PRKG1: variants seen among roughly 807,000 people sequenced by gnomAD.
The protein encoded by PRKG1 is protein kinase cGMP-dependent 1.
PRKG1 carries 35 observed loss-of-function variants against 88.1 expected under a neutral mutation model. The observed-to-expected ratio is 0.40, with a 90% CI of 0.30 to 0.53. The LOEUF (loss-of-function observed/expected upper bound fraction) is 0.53. PRKG1 is among the 20% of genes least tolerant of loss of function. The pLI is 0.59. For synonymous variants in PRKG1, 303 were observed against 292.5 expected, an observed-to-expected ratio of 1.04 and a Z score of -0.37; for missense variants, 540 against 839.8, an observed-to-expected ratio of 0.64 and a Z score of 4.41.
chr10:51,856,975 G>GAA (rs751399864), intron 4 of PRKG1, among the ~76,000 whole-genome samples: 9 of 77,058 alleles, frequency 1.2e-4, no homozygotes, highest in Non-Finnish European at 2.1e-4. Context: ...CTAAAAAAAA[G>GAA]AAAAAAAAAA....
rs12260620 is a variant in PRKG1 at position 51,649,918 on chromosome 10, C to G, written c.593-154667C>G. Among the ~76,000 whole-genome samples, 1,313 of 152,286 alleles carry G rather than the reference C, an allele frequency of 8.6e-3. 22 individuals carry two copies. Among genetic ancestry groups the G allele is most frequent in the African/African-American group, 0.03 (1,232 of 41,566 alleles). ...TACAAAGGTCACATTCCTGTGCAAACATCTGATTGGTTGCAAAACATTAAA... is the reference window on the plus strand; with the variant it reads ...TACAAAGGTCACATTCCTGTGCAAAGATCTGATTGGTTGCAAAACATTAAA... On this transcript the variant is annotated intron_variant, in intron 3 of 17. Coordinates refer to ENST00000373980, the MANE Select transcript of PRKG1 (RefSeq NM_006258.4).
intron 3 of PRKG1, among the ~76,000 whole-genome samples, chr10:51,617,809 G>T (rs1005380774): frequency 2.6e-5 from 4 of 152,144 alleles, no homozygotes; most frequent in Non-Finnish European, 5.9e-5. Context: ...AACAATGAAA[G>T]TCCCTGTTTC....
At chr10:51,572,327 A>C (rs1037661222) in intron 3 of PRKG1, among the ~76,000 whole-genome samples, 28 of 151,882 alleles carry the variant, frequency 1.8e-4, no homozygotes, top group African/African-American at 4.8e-5. Flanking sequence ...ATCACCTTAC[A>C]GAGTAATGAA....
rs78116738 is a variant in PRKG1, at chr10:51,949,083, G to A, written c.762+41513G>A. Among the ~76,000 whole-genome samples, 219 of 152,244 alleles carry A rather than the reference G, an allele frequency of 1.4e-3. 1 individual carries two copies. The highest frequency in any genetic ancestry group is 5.0e-3 in the African/African-American group (207 of 41,550). Reference sequence around the variant, plus strand: ...ACTTTAGGTTCAGCACTGGACTAAAGATTGCCTTCAATATGGACATCTAAG... The same window carrying A: ...ACTTTAGGTTCAGCACTGGACTAAAAATTGCCTTCAATATGGACATCTAAG... On this transcript the variant is annotated intron_variant, in intron 5 of 17. Transcript: ENST00000373980.
chr10:51,529,494 C>T (rs1478067801), intron 3 of PRKG1, among the ~76,000 whole-genome samples: 1 of 152,218 alleles, frequency 6.6e-6, no homozygotes, highest in East Asian at 1.9e-4. Context: ...CGCTCACCTG[C>T]TCACTTCTTT....
At chr10:51,323,823 CG>C (rs1177290983) in intron 2 of PRKG1, among the ~76,000 whole-genome samples, 8 of 152,098 alleles carry the variant, frequency 5.3e-5, no homozygotes, top group African/African-American at 1.9e-4. Context: ...CATGGTGGCA[CG>C]TGCCTGTAGT....
intron 1 of PRKG1, among the ~76,000 whole-genome samples, chr10:51,024,528 A>C (rs1269328859): frequency 6.6e-6 from 1 of 152,206 alleles, no homozygotes; most frequent in African/African-American, 2.4e-5. Flanking sequence ...TTAGATGAAG[A>C]AATTGATTAA....
intron 5 of PRKG1, among the ~76,000 whole-genome samples, chr10:51,998,006 A>G (rs1051573020): frequency 6.6e-6 from 1 of 152,148 alleles, no homozygotes. Context: ...GTTTGACCAT[A>G]AAAACATTAT....
chr10:52,126,016 G>A (rs1427471053), intron 7 of PRKG1: 1 of 152,176 alleles, frequency 6.6e-6, no homozygotes, highest in Non-Finnish European at 1.5e-5. Context: ...GAGGAAGCAC[G>A]ACAGAGTAAG....
In PRKG1 at chr10:52,076,146, A is replaced by C. The variant is rs187865827; in HGVS notation, c.935+13515A>C. ...TGCACGACATACAAAAATTAAGTTA[A>C]AATGGATCATGGACCTAAATGTGAG... On this transcript the variant is annotated intron_variant, in intron 7 of 17. Transcript: ENST00000373980. Among the ~76,000 whole-genome samples the C allele has an allele frequency of 1.2e-3, 186 of 152,376 alleles. 1 individual carries two copies. The highest frequency in any genetic ancestry group is 4.3e-3 in the African/African-American group (180 of 41,592).
At chr10:52,133,002 A>G (rs1305416752) in intron 7 of PRKG1, among the ~76,000 whole-genome samples, 1 of 151,352 alleles carries the variant, frequency 6.6e-6, no homozygotes, top group Non-Finnish European at 1.5e-5. Flanking sequence ...GTTATTATTG[A>G]CTATCGTCAT....
chr10:51,931,119 G>A (rs994306003), intron 5 of PRKG1, among the ~76,000 whole-genome samples: 7 of 152,106 alleles, frequency 4.6e-5, no homozygotes, highest in African/African-American at 9.7e-5. Flanking sequence ...TCGTCTCTGC[G>A]CAGTTAATTG....
intron 1 of PRKG1, among the ~76,000 whole-genome samples, chr10:51,031,299 C>G (rs1395724849): frequency 6.6e-6 from 1 of 152,104 alleles, no homozygotes; most frequent in Non-Finnish European, 1.5e-5. Context: ...GTAGGTCAAG[C>G]TGTAACTCTT....
At chr10:52,184,499 A>T (rs1353767511) in intron 9 of PRKG1, among the ~76,000 whole-genome samples, 2 of 152,228 alleles carry the variant, frequency 1.3e-5, no homozygotes, top group African/African-American at 4.8e-5. Flanking sequence ...CTTGTTTTAT[A>T]AGCCTAGGCC....
At chr10:52,281,931 A>G (rs1377295132) in intron 13 of PRKG1, among the ~76,000 whole-genome samples, 1 of 152,124 alleles carries the variant, frequency 6.6e-6, no homozygotes, top group Non-Finnish European at 1.5e-5. Flanking sequence ...ATTTTTAATG[A>G]TGTGAATTTT....
At chr10:51,197,616 A>G (rs1328414140) in intron 2 of PRKG1, among the ~76,000 whole-genome samples, 5 of 151,930 alleles carry the variant, frequency 3.3e-5, no homozygotes, top group Admixed American at 6.6e-5. Context: ...CAGAAATTCT[A>G]CAGGACTGAG....
chr10:51,897,759 C>T (rs1841886954), intron 4 of PRKG1, among the ~76,000 whole-genome samples: 1 of 152,114 alleles, frequency 6.6e-6, no homozygotes, highest in Non-Finnish European at 1.5e-5. Flanking sequence ...TCCTTTGCTT[C>T]CATGCTGTCC....
chr10:52,165,009 T>A (rs1427337199), intron 9 of PRKG1, among the ~76,000 whole-genome samples: 1 of 152,174 alleles, frequency 6.6e-6, no homozygotes, highest in Non-Finnish European at 1.5e-5. Context: ...ATAGTCCATG[T>A]TTTTTAATAT....
chr10:52,185,416 T>C (rs556917327), intron 9 of PRKG1, among the ~76,000 whole-genome samples: 13 of 152,290 alleles, frequency 8.5e-5, no homozygotes, highest in African/African-American at 3.1e-4. Flanking sequence ...TCCACCCCTG[T>C]GGCTTTGCAG....
Sources: gnomAD v4.1 joint callset for allele counts (sites outside exome capture counted in the v4.1 genomes callset) on GRCh38, gnomAD v4.1.1 for gene constraint, MANE v1.5 for transcripts, NCBI Gene and HGNC (gene_info 2026-07-23, HGNC 2026-07-21) for gene names.